Variants in ACACA observed in about 807,000 individuals in gnomAD.
The protein encoded by ACACA is acetyl-CoA carboxylase 1.
ACACA carries 103 observed loss-of-function variants against 296.1 expected under a neutral mutation model. That is an observed-to-expected ratio of 0.35 (90% CI 0.30 to 0.41). The LOEUF is 0.41. Among genes scored for constraint, ACACA ranks in the 10% least tolerant of loss-of-function variants. The pLI is 1.00. For missense variants in ACACA, 1,554 were observed against 2,989.7 expected (o/e 0.52, Z 11.20); for synonymous variants, 953 against 1,038.6 (o/e 0.92, Z 1.58).
chr17:37,139,311 A>T (rs2075463490), intron 45 of ACACA, among the ~76,000 whole-genome samples: 1 of 152,162 alleles, frequency 6.6e-6, no homozygotes, highest in Admixed American at 6.5e-5. Flanking sequence ...CCTACATGCC[A>T]CCCAAAGTGT....
chr17:37,200,610 T>A, intron 33 of ACACA, 127 bp from the exon 34 acceptor site: 1 of 842,986 alleles, frequency 1.2e-6, no homozygotes, highest in Non-Finnish European at 2.0e-6. Context: ...TATCTTAGCT[T>A]AGTACCTTCA....
intron 41 of ACACA, among the ~76,000 whole-genome samples, chr17:37,164,375 AT>A: frequency 6.6e-6 from 1 of 152,198 alleles, no homozygotes. Context: ...TGGTTGAAGC[AT>A]TCTACACAGC....
chr17:37,268,755 A>ATATATATATCTATATATATATC (rs2081931114), intron 10 of ACACA, among the ~76,000 whole-genome samples: 6 of 145,322 alleles, frequency 4.1e-5, no homozygotes, highest in Non-Finnish European at 3.0e-5. Context: ...ATATATATAT[A>ATATATATATCTATATATATATC]TATATATATA....
At chr17:37,272,768 A>G (rs961113692) in intron 9 of ACACA, among the ~76,000 whole-genome samples, 2 of 152,160 alleles carry the variant, frequency 1.3e-5, no homozygotes, top group African/African-American at 4.8e-5. Flanking sequence ...TACCAACACA[A>G]TACAAATAGT....
Position 37,284,988 on chromosome 17 carries a change from C to G in ACACA, c.339-18G>C, listed in dbSNP as rs1370085025. On this transcript the variant is annotated intron_variant, in intron 3 of 55. Transcript: ENST00000616317. The stretch of plus-strand genomic sequence containing the variant: ...TGCTGGACCTATAAAAATACAGAAG[C>G]CATAAAAACACCACCTATATTTTCT... 6.2e-7 allele frequency: 1 copy of G among 1,614,040 alleles called. No homozygotes were observed. The highest frequency in any genetic ancestry group is 2.2e-5 in the East Asian group (1 of 44,880).
rs1053470179 is a variant in ACACA, at chr17:37,229,382, C to G, written c.3247-2930G>C. Among the ~76,000 whole-genome samples, 27 of 151,856 alleles carry G rather than the reference C, an allele frequency of 1.8e-4. 1 individual carries two copies. On this transcript the variant is annotated intron_variant, in intron 25 of 55. Transcript: ENST00000616317. ...GCAGTGGCGCAATCTTGGCTCACTG[C>G]AAGCTCCGCCTCCGGGGTTCACGCC...
chr17:37,194,043 C>CA (rs1012340413), intron 35 of ACACA, among the ~76,000 whole-genome samples: 45 of 150,266 alleles, frequency 3.0e-4, no homozygotes, highest in Admixed American at 5.3e-4. Flanking sequence ...GGGCATTATA[C>CA]AAAAAAAAAC....
chr17:37,227,606 C>T (rs556250642), intron 25 of ACACA, among the ~76,000 whole-genome samples: 3 of 152,106 alleles, frequency 2.0e-5, no homozygotes, highest in African/African-American at 4.8e-5. Flanking sequence ...CTGTGGCTCA[C>T]GCCTGTAATC....
chr17:37,247,985 C>A (rs752951570), intron 18 of ACACA, 26 bp downstream of exon 18: 13 of 1,613,602 alleles, frequency 8.1e-6, no homozygotes, highest in Non-Finnish European at 1.1e-5. Context: ...GGATGACCAG[C>A]AAATGGACCT....
intron 11 of ACACA, 114 bp from the exon 12 acceptor site, chr17:37,259,644 T>C: frequency 1.8e-6 from 2 of 1,122,836 alleles, no homozygotes; most frequent in Non-Finnish European, 2.7e-6. Context: ...CAAAAGCTTT[T>C]AGCCACATGA....
chr17:37,268,274 TA>T (rs1266858703), intron 10 of ACACA, among the ~76,000 whole-genome samples: 1 of 152,222 alleles, frequency 6.6e-6, no homozygotes, highest in East Asian at 1.9e-4. Context: ...GAAATAATTT[TA>T]AGTTCTGGAT....
intron 3 of ACACA, among the ~76,000 whole-genome samples, chr17:37,296,557 G>A (rs1011619097): frequency 4.0e-5 from 6 of 151,554 alleles, no homozygotes; most frequent in Admixed American, 6.6e-5. Context: ...CGCCTGCCTC[G>A]GCCTCCCAAA....
chr17:37,210,553 T>C (rs1472456658), intron 29 of ACACA, 63 bp from the exon 30 acceptor site: 7 of 1,503,938 alleles, frequency 4.7e-6, no homozygotes, highest in African/African-American at 2.8e-5. Context: ...AAAAGAATTG[T>C]CAGAGCAGAT....
intron 1 of ACACA, chr17:37,359,086 C>T (rs924222616): frequency 1.9e-5 from 19 of 985,716 alleles, no homozygotes; most frequent in Admixed American, 6.1e-5. Flanking sequence ...GCGGCTCGGG[C>T]GATGGCTGAC....
chr17:37,283,156 T>C, intron 5 of ACACA, 111 bp downstream of exon 5: 1 of 1,302,154 alleles, frequency 7.7e-7, no homozygotes, highest in South Asian at 1.2e-5. Flanking sequence ...GGATTTTACT[T>C]GGAAGTCCTA....
At chr17:37,147,416 A>G (rs1248714438) in intron 45 of ACACA, among the ~76,000 whole-genome samples, 1 of 152,200 alleles carries the variant, frequency 6.6e-6, no homozygotes, top group Non-Finnish European at 1.5e-5. Context: ...GCACACACCC[A>G]AAGTACACAA....
At chr17:37,230,111 G>A (rs898621951) in intron 25 of ACACA, among the ~76,000 whole-genome samples, 2 of 151,390 alleles carry the variant, frequency 1.3e-5, no homozygotes, top group African/African-American at 4.9e-5. Flanking sequence ...AAGGCCGGGT[G>A]CGGTGGCTCA....
At chr17:37,135,816 G>A (rs963377782) in intron 45 of ACACA, among the ~76,000 whole-genome samples, 12 of 152,098 alleles carry the variant, frequency 7.9e-5, no homozygotes, top group Non-Finnish European at 1.8e-4. Flanking sequence ...TGGAAAGAAA[G>A]CTGCCAAAAG....
At chr17:37,383,759 G>T (rs981875995) in intron 1 of ACACA, among the ~76,000 whole-genome samples, 2 of 152,128 alleles carry the variant, frequency 1.3e-5, no homozygotes, top group Non-Finnish European at 1.5e-5. Context: ...GGCCAGGCTG[G>T]TCTCAAGCTC....
Sources: allele counts gnomAD v4.1 joint callset (sites outside exome capture counted in the v4.1 genomes callset), GRCh38; gene constraint gnomAD v4.1.1; transcripts MANE v1.5; gene names NCBI Gene and HGNC (gene_info 2026-07-23, HGNC 2026-07-21).